The following PRKD1 variants were observed in gnomAD, a reference collection of about 807,000 sequenced individuals.
PRKD1 encodes the protein serine/threonine-protein kinase D1.
In PRKD1, 63 loss-of-function variants were observed where a neutral mutation model predicts 95.9. That is an observed-to-expected ratio of 0.66 (90% CI 0.54 to 0.81). The LOEUF is 0.81. Among genes scored for constraint, PRKD1 ranks in the 30% least tolerant of loss-of-function variants. PRKD1 has a pLI of 0.00. For synonymous variants in PRKD1, 425 were observed against 423.1 expected (o/e 1.00, Z -0.05); for missense variants, 1,048 against 1,165.3 (o/e 0.90, Z 1.47).
At chr14:29,893,012 A>G (rs1893993105) in intron 1 of PRKD1, among the ~76,000 whole-genome samples, 1 of 152,196 alleles carries the variant, frequency 6.6e-6, no homozygotes, top group South Asian at 2.1e-4. Context: ...AGAATGCCAA[A>G]TGCATTTCAA....
intron 13 of PRKD1, among the ~76,000 whole-genome samples, chr14:29,622,326 G>A (rs1879319751): frequency 6.6e-6 from 1 of 152,002 alleles, no homozygotes; most frequent in Admixed American, 6.6e-5. Flanking sequence ...TGTTTTAGAA[G>A]AGGAATAGGG....
intron 1 of PRKD1, among the ~76,000 whole-genome samples, chr14:29,866,169 T>C (rs1276220791): frequency 6.6e-6 from 1 of 152,034 alleles, no homozygotes; most frequent in East Asian, 1.9e-4. Flanking sequence ...AGAAGCTATA[T>C]TGCTGATATT....
chr14:29,865,559 G>A (rs1369946876), intron 1 of PRKD1, among the ~76,000 whole-genome samples: 1 of 152,118 alleles, frequency 6.6e-6, no homozygotes, highest in Non-Finnish European at 1.5e-5. Flanking sequence ...TTGCTCTCTT[G>A]CTTTTGAGCT....
chr14:29,684,143 G>GTTTTTTTTTTTTT (rs11285857), intron 2 of PRKD1, among the ~76,000 whole-genome samples: 1 of 135,792 alleles, frequency 7.4e-6, no homozygotes. Context: ...CTTTAGAATG[G>GTTTTTTTTTTTTT]TTTTTTTTTT....
intron 1 of PRKD1, among the ~76,000 whole-genome samples, chr14:29,808,324 C>A (rs1890327296): frequency 7.7e-6 from 1 of 129,188 alleles, no homozygotes; most frequent in East Asian, 2.5e-4. Flanking sequence ...GTCATCCATT[C>A]AAGTTTAATC....
intron 1 of PRKD1, among the ~76,000 whole-genome samples, chr14:29,894,774 C>T (rs555003035): frequency 3.3e-5 from 5 of 152,132 alleles, no homozygotes; most frequent in Non-Finnish European, 7.4e-5. Context: ...GTTTCTGAAA[C>T]AAGCCAGAAC....
intron 2 of PRKD1, among the ~76,000 whole-genome samples, chr14:29,707,350 A>G (rs1050132238): frequency 6.6e-6 from 1 of 152,172 alleles, no homozygotes; most frequent in African/African-American, 2.4e-5. Context: ...GAACTAGCAG[A>G]TAGTAAGGGA....
At chr14:29,883,134 AAGAG>A (rs879836422) in intron 1 of PRKD1, among the ~76,000 whole-genome samples, 2 of 152,220 alleles carry the variant, frequency 1.3e-5, no homozygotes, top group African/African-American at 2.4e-5. Context: ...AAGCAGGAGC[AAGAG>A]AGAGTGGGGA....
chr14:29,825,922 T>C (rs1891089358), intron 1 of PRKD1, among the ~76,000 whole-genome samples: 1 of 151,922 alleles, frequency 6.6e-6, no homozygotes. Flanking sequence ...TTTTGCTCTC[T>C]AAAACCAAGG....
At chr14:29,750,616 G>GCGCGCGCGCGCACACA (rs72239992) in intron 1 of PRKD1, among the ~76,000 whole-genome samples, 5 of 148,374 alleles carry the variant, frequency 3.4e-5, no homozygotes, top group African/African-American at 7.5e-5. Flanking sequence ...ATGAACGCGC[G>GCGCGCGCGCGCACACA]CACACACACA....
At chr14:29,584,188 A>G (rs1892839695) in intron 16 of PRKD1, among the ~76,000 whole-genome samples, 1 of 152,194 alleles carries the variant, frequency 6.6e-6, no homozygotes, top group African/African-American at 2.4e-5. Context: ...TCTAACAATA[A>G]CAACAAAATA....
intron 2 of PRKD1, among the ~76,000 whole-genome samples, chr14:29,677,698 C>T (rs570812263): frequency 6.6e-6 from 1 of 152,184 alleles, no homozygotes; most frequent in Non-Finnish European, 1.5e-5. Context: ...CCTCAGACTC[C>T]CGAATAGCTG....
chr14:29,647,772 G>C (rs1881222648), intron 4 of PRKD1, among the ~76,000 whole-genome samples: 1 of 152,198 alleles, frequency 6.6e-6, no homozygotes, highest in African/African-American at 2.4e-5. Context: ...TAAGGGGCCG[G>C]AGAGACCAAA....
chr14:29,852,287 G>A (rs1892339112), intron 1 of PRKD1, among the ~76,000 whole-genome samples: 2 of 152,000 alleles, frequency 1.3e-5, no homozygotes, highest in African/African-American at 4.8e-5. Context: ...TAAAGAGGCA[G>A]AGAACCTAAA....
At chr14:29,675,950 A>T (rs185736539) in intron 2 of PRKD1, among the ~76,000 whole-genome samples, 215 of 120,816 alleles carry the variant, frequency 1.8e-3, no homozygotes, top group African/African-American at 4.9e-3. Context: ...GGACACAGGA[A>T]GGGGAACATC....
intron 2 of PRKD1, among the ~76,000 whole-genome samples, chr14:29,709,438 G>C (rs1249795050): frequency 1.3e-5 from 2 of 152,108 alleles, no homozygotes; most frequent in African/African-American, 4.8e-5. Flanking sequence ...GGCACACAAA[G>C]GTTTTTCAGG....
intron 1 of PRKD1, among the ~76,000 whole-genome samples, chr14:29,842,410 C>A (rs1353641014): frequency 6.6e-6 from 1 of 152,162 alleles, no homozygotes; most frequent in African/African-American, 2.4e-5. Context: ...TGTGCTATAT[C>A]ATTAAGATAG....
chr14:29,627,748 A>G (rs1879719872), intron 11 of PRKD1, among the ~76,000 whole-genome samples: 2 of 152,010 alleles, frequency 1.3e-5, no homozygotes, highest in South Asian at 4.1e-4. Context: ...TATCCTATAA[A>G]CCCTTATCTT....
At chr14:29,700,984 G>GTGCACACACACACACACACACACA (rs1884807699) in intron 2 of PRKD1, among the ~76,000 whole-genome samples, 1 of 52,930 alleles carries the variant, frequency 1.9e-5, no homozygotes, top group African/African-American at 2.3e-4. Context: ...ATGCGCGCGC[G>GTGCACACACACACACACACACACA]CGCGCACACA....
Sources: allele counts gnomAD v4.1 joint callset (sites outside exome capture counted in the v4.1 genomes callset), GRCh38; gene constraint gnomAD v4.1.1; transcripts MANE v1.5; gene names NCBI Gene and HGNC (gene_info 2026-07-23, HGNC 2026-07-21).